ANO3: variants seen among roughly 807,000 people sequenced by gnomAD.
The protein encoded by ANO3 is anoctamin 3, also known as anoctamin-3.
A neutral mutation model predicts 144.8 loss-of-function variants in ANO3; 99 were observed. The ratio of observed to expected loss-of-function variants is 0.68; its 90% confidence interval spans 0.58 to 0.81. The LOEUF is 0.81. ANO3 is among the 30% of genes least tolerant of loss of function. The pLI is 0.00. For missense variants in ANO3, 905 were observed against 1,202.2 expected, an observed-to-expected ratio of 0.75 and a Z score of 3.66; for synonymous variants, 414 against 392.6, an observed-to-expected ratio of 1.05 and a Z score of -0.64.
chr11:26,630,504 A>G (rs568200322), intron 18 of ANO3, among the ~76,000 whole-genome samples: 3 of 152,252 alleles, frequency 2.0e-5, no homozygotes, highest in African/African-American at 7.2e-5. Flanking sequence ...GTTTTAGGAT[A>G]TCCAAACTAT....
intron 1 of ANO3, among the ~76,000 whole-genome samples, chr11:26,311,287 A>G (rs760934139): frequency 1.5e-4 from 23 of 152,164 alleles, no homozygotes; most frequent in Non-Finnish European, 2.5e-4. Context: ...TACTACTAGG[A>G]TTAGATGAAT....
chr11:26,563,075 A>C (rs1249004893), intron 14 of ANO3: 2 of 1,598,074 alleles, frequency 1.3e-6, no homozygotes, highest in South Asian at 2.3e-5. Flanking sequence ...CATTTAATTA[A>C]AACCACTGTG....
At chr11:26,266,432 A>ATTT (rs201955022) in intron 1 of ANO3, among the ~76,000 whole-genome samples, 17 of 134,256 alleles carry the variant, frequency 1.3e-4, no homozygotes, top group Admixed American at 2.3e-4. Flanking sequence ...AACAAATGTA[A>ATTT]TTTTTTTTTT....
intron 1 of ANO3, among the ~76,000 whole-genome samples, chr11:26,209,603 C>T (rs754073780): frequency 1.3e-5 from 2 of 152,220 alleles, no homozygotes; most frequent in Non-Finnish European, 2.9e-5. Context: ...AATTTACAAT[C>T]CTATCAACAG....
At chr11:26,596,909 T>G (rs1565131826) in intron 14 of ANO3, among the ~76,000 whole-genome samples, 1 of 152,126 alleles carries the variant, frequency 6.6e-6, no homozygotes, top group Non-Finnish European at 1.5e-5. Flanking sequence ...AGGAAAATTG[T>G]GAAAGCAGAA....
intron 4 of ANO3, among the ~76,000 whole-genome samples, chr11:26,491,607 G>A (rs1316637771): frequency 2.0e-5 from 3 of 152,144 alleles, no homozygotes; most frequent in African/African-American, 7.2e-5. Flanking sequence ...CGAGGTGTCA[G>A]GAATAAAGAA....
chr11:26,505,667 A>G (rs934884926), intron 4 of ANO3, among the ~76,000 whole-genome samples: 1 of 152,130 alleles, frequency 6.6e-6, no homozygotes, highest in African/African-American at 2.4e-5. Flanking sequence ...CCACTGCAGG[A>G]AGATAAATTT....
intron 1 of ANO3, among the ~76,000 whole-genome samples, chr11:26,310,694 T>C (rs964749705): frequency 6.6e-6 from 1 of 152,236 alleles, no homozygotes; most frequent in Admixed American, 6.5e-5. Flanking sequence ...ATAGACACTA[T>C]AACTGCCAGT....
chr11:26,283,321 A>AATATATATATATAT (rs58419788), intron 1 of ANO3, among the ~76,000 whole-genome samples: 60 of 49,042 alleles, frequency 1.2e-3, no homozygotes, highest in South Asian at 2.0e-3. Context: ...CAAATAAATA[A>AATATATATATATAT]ATATATATAT....
chr11:26,330,579 T>G (rs1171363131), upstream of ANO3, among the ~76,000 whole-genome samples: 1 of 152,210 alleles, frequency 6.6e-6, no homozygotes, highest in East Asian at 1.9e-4. Context: ...CGCTTTTTGC[T>G]TCAGATGACT....
chr11:26,598,350 T>A lies in ANO3; in HGVS notation c.1448-15T>A. 1 of 1,460,234 alleles carries A rather than the reference T, an allele frequency of 6.8e-7. No homozygotes were observed. The highest frequency in any genetic ancestry group is 9.2e-7 in the Non-Finnish European group (1 of 1,087,350). 90.5% of individuals were successfully genotyped at this position (1,460,234 alleles called of 1,614,324 possible). A position where few individuals can be genotyped will look rare whatever the true frequency, so the allele number is the denominator to read the frequency against. ...TGTGATTTGGGTAAAGAATTATCAT[T>A]TTTATATTTTATAGCCACAGTCTTC... On this transcript the variant is annotated splice_polypyrimidine_tract_variant and intron_variant, in intron 14 of 26. Transcript: ENST00000256737.
At chr11:26,310,023 G>T (rs1266695693) in intron 1 of ANO3, among the ~76,000 whole-genome samples, 1 of 152,046 alleles carries the variant, frequency 6.6e-6, no homozygotes, top group Admixed American at 6.6e-5. Context: ...AAATAACTGT[G>T]CAATCTCAGT....
intron 1 of ANO3, among the ~76,000 whole-genome samples, chr11:26,423,296 A>G (rs1000280697): frequency 1.5e-5 from 2 of 134,480 alleles, no homozygotes; most frequent in African/African-American, 5.6e-5. Context: ...AATACCCTGT[A>G]TATACCTTTA....
Position 26,503,280 on chromosome 11 carries a change from A to G in ANO3, c.433-4824A>G, listed in dbSNP as rs142538017. Among the ~76,000 whole-genome samples, 3 of 152,268 alleles carry G rather than the reference A, an allele frequency of 2.0e-5. No individual in the cohort carries two copies. The East Asian group carries it at 5.8e-4, about 29-fold the overall frequency. ...GGAAAGCATTTCACTCTTTCAGATA[A>G]CTCATGAAATGAATCATGATTTTAT... is the stretch of plus-strand genomic sequence containing the variant. On this transcript the variant is annotated intron_variant, in intron 4 of 26. Coordinates refer to ENST00000256737, the MANE Select transcript of ANO3 (RefSeq NM_031418.4).
intron 11 of ANO3, among the ~76,000 whole-genome samples, chr11:26,547,198 G>A (rs1195570549): frequency 1.3e-5 from 2 of 151,818 alleles, no homozygotes; most frequent in Non-Finnish European, 2.9e-5. Flanking sequence ...AAATACATGT[G>A]ACAGAATTGC....
intron 1 of ANO3, among the ~76,000 whole-genome samples, chr11:26,369,765 T>C (rs1590300499): frequency 6.6e-6 from 1 of 152,334 alleles, no homozygotes; most frequent in East Asian, 1.9e-4. Flanking sequence ...TCAAACACTA[T>C]TGAATACTCT....
At chr11:26,239,087 T>G (rs1053892662) in intron 1 of ANO3, among the ~76,000 whole-genome samples, 6 of 150,456 alleles carry the variant, frequency 4.0e-5, no homozygotes, top group African/African-American at 1.5e-4. Flanking sequence ...TAAATAATAT[T>G]TACAGCTTGA....
intron 1 of ANO3, among the ~76,000 whole-genome samples, chr11:26,411,517 T>C (rs1359494859): frequency 6.6e-6 from 1 of 151,980 alleles, no homozygotes; most frequent in Non-Finnish European, 1.5e-5. Context: ...AAATTCACCA[T>C]GCTAAGAAAA....
chr11:26,210,113 T>G (rs1345388591), intron 1 of ANO3, among the ~76,000 whole-genome samples: 1 of 152,166 alleles, frequency 6.6e-6, no homozygotes, highest in African/African-American at 2.4e-5. Flanking sequence ...GTTTTTATGG[T>G]TTTAGGTCTT....
Sources: gnomAD v4.1 joint callset for allele counts (sites outside exome capture counted in the v4.1 genomes callset) on GRCh38, gnomAD v4.1.1 for gene constraint, MANE v1.5 for transcripts, NCBI Gene and HGNC (gene_info 2026-07-23, HGNC 2026-07-21) for gene names.